Variants in B9D1 observed in about 807,000 individuals in gnomAD.
B9D1 encodes B9 domain containing 1.
In B9D1, 20 loss-of-function variants were observed where a neutral mutation model predicts 26.1. That is an observed-to-expected ratio of 0.77 (90% CI 0.54 to 1.12). The LOEUF (loss-of-function observed/expected upper bound fraction) is 1.12. B9D1 is among the 50% of genes most tolerant of loss of function. The pLI, the probability that B9D1 is intolerant of heterozygous loss-of-function variation, is 0.00. For synonymous variants in B9D1, 105 were observed against 103.1 expected (o/e 1.02, Z -0.11); for missense variants, 260 against 273.7 (o/e 0.95, Z 0.35).
downstream of B9D1, chr17:19,341,437 G>A (rs1299417482): frequency 1.5e-6 from 1 of 683,742 alleles, no homozygotes; most frequent in Non-Finnish European, 2.0e-6. Context: ...AGGAGCCCGT[G>A]TAGGAAAACT....
At chr17:19,335,147 G>A, downstream of B9D1, 2 of 304,556 alleles carry the variant, frequency 6.6e-6, no homozygotes, top group Non-Finnish European at 1.2e-5. Flanking sequence ...ATGGGAATTT[G>A]ATTACACATA....
intron 1 of B9D1, among the ~76,000 whole-genome samples, chr17:19,376,003 GGATA>G (rs1397534433): frequency 6.6e-6 from 1 of 152,142 alleles, no homozygotes; most frequent in Admixed American, 6.5e-5. Context: ...ATAAACTGAT[GGATA>G]AACAAAATAT....
At chr17:19,369,057 G>A (rs549651279) in intron 1 of B9D1, among the ~76,000 whole-genome samples, 1 of 152,182 alleles carries the variant, frequency 6.6e-6, no homozygotes, top group Non-Finnish European at 1.5e-5. Flanking sequence ...ACAGTGAAGT[G>A]GATGACATTC....
chr17:19,358,777 G>C (rs1910677427), intron 2 of B9D1, among the ~76,000 whole-genome samples: 1 of 152,142 alleles, frequency 6.6e-6, no homozygotes. Context: ...CTTTCAATGT[G>C]CTCTAGATGT....
upstream of B9D1, among the ~76,000 whole-genome samples, chr17:19,365,013 C>A (rs1911512364): frequency 6.6e-6 from 1 of 152,266 alleles, no homozygotes; most frequent in African/African-American, 2.4e-5. This position sits in a 1 kb window ranked among gnomAD's most constrained non-coding sequence, Gnocchi z 5.0. Context: ...CTGCCTCCCC[C>A]AGTCTCTCAA....
At chr17:19,373,043 G>A (rs1017901057) in intron 1 of B9D1, among the ~76,000 whole-genome samples, 2 of 152,108 alleles carry the variant, frequency 1.3e-5, no homozygotes, top group Non-Finnish European at 2.9e-5. Flanking sequence ...ACTTCCAGAG[G>A]TGGACAGGTG....
intron 1 of B9D1, among the ~76,000 whole-genome samples, chr17:19,369,983 T>A (rs1325508663): frequency 6.6e-6 from 1 of 152,146 alleles, no homozygotes; most frequent in Non-Finnish European, 1.5e-5. Flanking sequence ...CCTACAGGCT[T>A]TTCCTGCAGA....
chr17:19,348,274 T>C (rs1012696861), intron 3 of B9D1, among the ~76,000 whole-genome samples: 2 of 152,144 alleles, frequency 1.3e-5, no homozygotes, highest in African/African-American at 2.4e-5. Context: ...CTCATGGGAC[T>C]GAGGTGGCAG....
At chr17:19,343,040 G>A, downstream of B9D1, 1 of 1,331,406 alleles carries the variant, frequency 7.5e-7, no homozygotes, top group Non-Finnish European at 9.7e-7. Flanking sequence ...GCACGGTCTG[G>A]TCTCCTGGCA....
intron 3 of B9D1, among the ~76,000 whole-genome samples, chr17:19,349,486 A>G (rs1313619269): frequency 6.6e-6 from 1 of 151,804 alleles, no homozygotes; most frequent in Non-Finnish European, 1.5e-5. Flanking sequence ...CCTGGGCTGA[A>G]GTGATCCTCC....
At chr17:19,343,720 C>T (rs748113442) in intron 6 of B9D1, 70 bp downstream of exon 6, 1 of 1,613,570 alleles carries the variant, frequency 6.2e-7, no homozygotes, top group African/African-American at 1.3e-5. Flanking sequence ...TCACCCCAAC[C>T]CTGGGCCCAC....
intron 2 of B9D1, among the ~76,000 whole-genome samples, chr17:19,358,182 G>A (rs1211174892): frequency 6.6e-6 from 1 of 152,132 alleles, no homozygotes; most frequent in African/African-American, 2.4e-5. Flanking sequence ...CCGGGCACAA[G>A]GGCACTAGAT....
At chr17:19,360,204 C>T (rs1910865295) in intron 2 of B9D1, 116 bp downstream of exon 2, 1 of 992,654 alleles carries the variant, frequency 1.0e-6, no homozygotes, top group Non-Finnish European at 1.6e-6. Flanking sequence ...TTTGGGTTCC[C>T]CTGAACTCAG....
At chr17:19,362,466 A>G in intron 1 of B9D1, 41 bp downstream of exon 1, 1 of 1,481,852 alleles carries the variant, frequency 6.7e-7, no homozygotes, top group Admixed American at 2.1e-5. Context: ...GCCCCGGGGG[A>G]CGCTGGGGGG....
rs1473787164 is a variant in B9D1, at chr17:19,370,849, G to A, written c.-298+7010C>T. Among the ~76,000 whole-genome samples, 3 of 152,198 alleles carry A rather than the reference G, an allele frequency of 2.0e-5. No homozygotes were observed. The South Asian group carries it at 6.2e-4, about 32-fold the overall frequency. On this transcript the variant is annotated intron_variant, in intron 1 of 5. Coordinates refer to the B9D1 transcript ENST00000477478. This position sits in a 1 kb window ranked among gnomAD's most constrained non-coding sequence, Gnocchi z 5.1. ...GCCTCAGGGGCAGTCCCTTTCCCAC[G>A]GGGAGGGCCGCATGCAAATGCCACA... is the stretch of plus-strand genomic sequence containing the variant.
intron 3 of B9D1, among the ~76,000 whole-genome samples, chr17:19,348,142 TCA>T (rs1167070091): frequency 6.6e-6 from 1 of 151,800 alleles, no homozygotes; most frequent in Non-Finnish European, 1.5e-5. Flanking sequence ...CAGTGCCCAC[TCA>T]GTCACTCCAT....
intron 5 of B9D1, among the ~76,000 whole-genome samples, chr17:19,344,888 C>G (rs1035484325): frequency 1.3e-5 from 2 of 152,208 alleles, no homozygotes; most frequent in Non-Finnish European, 2.9e-5. Flanking sequence ...AGCCAGCAGG[C>G]GCTCCCCAAG....
chr17:19,362,670 G>A lies in B9D1; in HGVS notation c.-101C>T. ...ACAGACGGCGTAGCGCGCAGGACAC[G>A]TTTCTTGGCAGCGACACCTTCGCGA... On this transcript the variant is annotated 5_prime_UTR_variant, in exon 1 of 7. It adds an upstream start codon to the 5' untranslated region. Transcript: ENST00000261499. 15 of 1,541,532 alleles carry A rather than the reference G, an allele frequency of 9.7e-6. No homozygotes were observed. Among genetic ancestry groups the A allele is most frequent in the Non-Finnish European group, 1.3e-5 (15 of 1,142,938 alleles).
In B9D1 at chr17:19,372,064, G is replaced by A. The variant is rs1911922154; in HGVS notation, c.-298+5795C>T. 6.6e-6 allele frequency: 1 copy of A among 152,278 alleles called. No homozygotes were observed. Among genetic ancestry groups the A allele is most frequent in the Non-Finnish European group, 1.5e-5 (1 of 68,078 alleles). The allele number at this position is 152,278 out of a possible 1,614,324, so 9.4% of individuals were successfully genotyped here. A position where few individuals can be genotyped will look rare whatever the true frequency, so the allele number is the denominator to read the frequency against. ...TTTGTCACCTGTAACCAGGGACAAT[G>A]ATGCATCACCCGAGTCCCCCTCAGA... On this transcript the variant is annotated intron_variant, in intron 1 of 5. Coordinates refer to the B9D1 transcript ENST00000477478. The surrounding 1 kb of genome is among the most constrained non-coding windows in gnomAD (Gnocchi z 4.4).
Sources: gnomAD v4.1 joint callset for allele counts (sites outside exome capture counted in the v4.1 genomes callset) on GRCh38, gnomAD v4.1.1 for gene constraint, Gnocchi (gnomAD v3.1) non-coding constraint, MANE v1.5 for transcripts, NCBI Gene and HGNC (gene_info 2026-07-23, HGNC 2026-07-21) for gene names.